Variants in CHRDL2 observed in about 807,000 individuals in gnomAD.
The protein encoded by CHRDL2 is chordin like 2, also known as chordin-like protein 2.
Under a neutral mutation model 54.3 loss-of-function variants are expected in CHRDL2, and 41 were observed. That is an observed-to-expected ratio of 0.76 (90% CI 0.59 to 0.98). The LOEUF is 0.98. Ranked by LOEUF, CHRDL2 falls within the 50% of genes least tolerant of loss-of-function variation. CHRDL2 has a pLI of 0.00. For missense variants in CHRDL2, 518 were observed against 562.4 expected, an observed-to-expected ratio of 0.92 and a Z score of 0.80; for synonymous variants, 220 against 224.3, an observed-to-expected ratio of 0.98 and a Z score of 0.17.
At chr11:74,707,778 A>G (rs1392525323) in intron 5 of CHRDL2, among the ~76,000 whole-genome samples, 1 of 151,872 alleles carries the variant, frequency 6.6e-6, no homozygotes, top group Non-Finnish European at 1.5e-5. Context: ...GCTCCTGTCC[A>G]CATCCCCTGC....
chr11:74,711,147 T>C (rs2034181575), intron 3 of CHRDL2, among the ~76,000 whole-genome samples, 156 bp from the exon 4 acceptor site: 2 of 152,194 alleles, frequency 1.3e-5, no homozygotes, highest in Non-Finnish European at 2.9e-5. Context: ...ATTCCCCTTA[T>C]CAGCTAACTA....
intron 7 of CHRDL2, among the ~76,000 whole-genome samples, 171 bp from the exon 8 acceptor site, chr11:74,703,670 G>A (rs2033911167): frequency 6.6e-6 from 1 of 152,202 alleles, no homozygotes; most frequent in African/African-American, 2.4e-5. Context: ...CCCTCTCCCT[G>A]ACACTGCCCA....
In CHRDL2 at chr11:74,709,777, A is replaced by C. The variant is rs79321705; in HGVS notation, c.432+1072T>G. ...ACACAGGTTTCTGATACTAGTCTGG[A>C]GAGAACATTAATGATCACTTGGTCA... On this transcript the variant is annotated intron_variant, in intron 4 of 10. Coordinates refer to ENST00000376332, the MANE Select transcript of CHRDL2 (RefSeq NM_001278473.3). Among the ~76,000 whole-genome samples, 1,080 of 152,334 alleles carry C rather than the reference A, an allele frequency of 7.1e-3. 13 individuals are homozygous for C. Among genetic ancestry groups the C allele is most frequent in the African/African-American group, 0.024 (995 of 41,582 alleles).
chr11:74,703,661 C>G (rs1312617190), intron 7 of CHRDL2, among the ~76,000 whole-genome samples, 162 bp from the exon 8 acceptor site: 1 of 152,230 alleles, frequency 6.6e-6, no homozygotes, highest in East Asian at 1.9e-4. Context: ...AAACCTGTCC[C>G]CTCTCCCTGA....
intron 1 of CHRDL2, among the ~76,000 whole-genome samples, chr11:74,723,705 C>T (rs184981863): frequency 2.8e-4 from 43 of 152,244 alleles, no homozygotes; most frequent in Admixed American, 7.8e-4. Context: ...AAGTGATTAA[C>T]GGGCGGGGAG....
rs1050589218 is a variant in CHRDL2, at chr11:74,715,432, C to T, written c.196-1953G>A. Among the ~76,000 whole-genome samples, 5 of 150,318 alleles carry T rather than the reference C, an allele frequency of 3.3e-5. No individual in the cohort carries two copies. The South Asian group carries it at 6.4e-4, about 19-fold the overall frequency. ...CAGCCTGGCCAACATGGCAAAACCCCGTCTCTACTAAAAATACAAAAATTA... is the reference window on the plus strand; with the variant it reads ...CAGCCTGGCCAACATGGCAAAACCCTGTCTCTACTAAAAATACAAAAATTA... On this transcript the variant is annotated intron_variant, in intron 2 of 10. Coordinates refer to ENST00000376332, the MANE Select transcript of CHRDL2 (RefSeq NM_001278473.3).
At position 74,702,865 on chromosome 11, in the gene CHRDL2, T is replaced by C; in HGVS notation, c.1049A>G (p.Asn350Ser). The C allele has an allele frequency of 6.2e-7, 1 of 1,614,082 alleles. No individual in the cohort carries two copies. Among genetic ancestry groups the C allele is most frequent in the Non-Finnish European group, 8.5e-7 (1 of 1,179,982 alleles). ...GTGTTCCAGGGCAAAGCGACGCAGG[T>C]TGTCTGGGCTTGGGGATACCGATGT... ...VHTSVSPSPD[N>S]LRRFALEHEA... The change falls in exon 9 of 11, where the codon AAC becomes AGC. Residue 350 changes from asparagine to serine, a missense_variant. Coordinates refer to ENST00000376332, the MANE Select transcript of CHRDL2 (RefSeq NM_001278473.3).
chr11:74,719,422 A>ACG (rs1388342663), intron 1 of CHRDL2: 1 of 134,552 alleles, frequency 7.4e-6, no homozygotes, highest in Non-Finnish European at 1.5e-5. Context: ...ACACACACAC[A>ACG]CGTGTACACA....
intron 2 of CHRDL2, among the ~76,000 whole-genome samples, chr11:74,715,070 A>G (rs1270287780): frequency 6.6e-6 from 1 of 152,218 alleles, no homozygotes; most frequent in Non-Finnish European, 1.5e-5. Flanking sequence ...ATGAGAAAAG[A>G]GCCTTGAAAG....
At chr11:74,709,385 G>A (rs2034114115) in intron 4 of CHRDL2, among the ~76,000 whole-genome samples, 1 of 152,202 alleles carries the variant, frequency 6.6e-6, no homozygotes, top group Admixed American at 6.5e-5. Context: ...TACTAGCTGT[G>A]TGATCTCAGG....
chr11:74,701,789 C>A, intron 9 of CHRDL2: 1 of 550,826 alleles, frequency 1.8e-6, no homozygotes, highest in Non-Finnish European at 3.3e-6. Context: ...TCATCATTCC[C>A]TCTTCCACCC....
chr11:74,709,905 G>A (rs2034129947), intron 4 of CHRDL2, among the ~76,000 whole-genome samples: 1 of 152,178 alleles, frequency 6.6e-6, no homozygotes. Context: ...CGGATGAGTT[G>A]CCAAGCCCAG....
chr11:74,703,209 C>T, intron 8 of CHRDL2, 96 bp downstream of exon 8: 1 of 1,416,510 alleles, frequency 7.1e-7, no homozygotes, highest in Non-Finnish European at 9.5e-7. Flanking sequence ...CATGCCCTTC[C>T]ATGTCTGAGA....
chr11:74,711,788 A>G (rs1396218032), intron 3 of CHRDL2, among the ~76,000 whole-genome samples: 1 of 151,198 alleles, frequency 6.6e-6, no homozygotes, highest in Non-Finnish European at 1.5e-5. Context: ...TGGCCTGGGC[A>G]ACATTTTTTA....
intron 1 of CHRDL2, among the ~76,000 whole-genome samples, chr11:74,725,057 A>T (rs982476701): frequency 2.6e-5 from 4 of 151,498 alleles, no homozygotes; most frequent in Non-Finnish European, 5.9e-5. Context: ...GCAGTGGCGC[A>T]ATCTCTGCTC....
intron 1 of CHRDL2, among the ~76,000 whole-genome samples, chr11:74,726,625 C>T (rs562592408): frequency 2.6e-5 from 4 of 152,166 alleles, no homozygotes; most frequent in Non-Finnish European, 5.9e-5. Context: ...CAGAGTCCGG[C>T]GCCATGGTTG....
chr11:74,712,613 C>T (rs66684251), intron 3 of CHRDL2, among the ~76,000 whole-genome samples: 42,369 of 151,922 alleles, frequency 0.28, 6,092 homozygotes, highest in South Asian at 0.43. Context: ...GAAAATGAGC[C>T]CCACTCCATA....
chr11:74,707,709 C>T (rs1175840205), intron 5 of CHRDL2, among the ~76,000 whole-genome samples: 4 of 152,088 alleles, frequency 2.6e-5, no homozygotes, highest in East Asian at 1.9e-4. Flanking sequence ...CCCCCCTGCA[C>T]GGGCTCCCCA....
intron 3 of CHRDL2, 66 bp downstream of exon 3, chr11:74,713,320 G>A (rs887465847): frequency 2.9e-5 from 41 of 1,405,564 alleles, no homozygotes; most frequent in Admixed American, 5.2e-5. Context: ...GTCTCCCTCA[G>A]CTAGAGGGCT....
Sources: gnomAD v4.1 joint callset for allele counts (sites outside exome capture counted in the v4.1 genomes callset) on GRCh38, gnomAD v4.1.1 for gene constraint, MANE v1.5 for transcripts, NCBI Gene and HGNC (gene_info 2026-07-23, HGNC 2026-07-21) for gene names.